Variants in TENM2 observed in about 807,000 individuals in gnomAD.
The protein encoded by TENM2 is teneurin-2.
A neutral mutation model predicts 245.2 loss-of-function variants in TENM2; 52 were observed. The observed-to-expected ratio is 0.21, with a 90% CI of 0.17 to 0.27. The LOEUF (loss-of-function observed/expected upper bound fraction) is 0.27, where lower values mean the gene tolerates loss of function less well. Among genes scored for constraint, TENM2 ranks in the 10% least tolerant of loss-of-function variants. The pLI, the probability that TENM2 is intolerant of heterozygous loss-of-function variation, is 1.00. For missense variants in TENM2, 3,046 were observed against 3,666.8 expected (o/e 0.83, Z 4.37); for synonymous variants, 1,363 against 1,438.9 (o/e 0.95, Z 1.19).
chr5:167,071,882 C>CCG, the TENM2 span, among the ~76,000 whole-genome samples: 1 of 141,148 alleles, frequency 7.1e-6, no homozygotes, highest in Non-Finnish European at 1.6e-5. Flanking sequence ...CAAATCGCCC[C>CCG]CCCCCGCCCC....
At chr5:167,122,926 C>T in the TENM2 span, among the ~76,000 whole-genome samples, 1 of 152,082 alleles carries the variant, frequency 6.6e-6, no homozygotes, top group African/African-American at 2.4e-5. Context: ...TGGAGAGTAA[C>T]ACCTGGAGAA....
At chr5:167,007,612 T>G in the TENM2 span, among the ~76,000 whole-genome samples, 1 of 152,190 alleles carries the variant, frequency 6.6e-6, no homozygotes, top group Non-Finnish European at 1.5e-5. The surrounding 1 kb of genome is among the most constrained non-coding windows in gnomAD (Gnocchi z 4.2). Context: ...AACACATAAA[T>G]AATTAAATAA....
intron 5 of TENM2, among the ~76,000 whole-genome samples, chr5:168,044,225 C>A (rs1010379249): frequency 6.6e-6 from 1 of 152,122 alleles, no homozygotes; most frequent in Non-Finnish European, 1.5e-5. Context: ...ACCATCCTGG[C>A]TAACACGGTG....
the TENM2 span, among the ~76,000 whole-genome samples, chr5:167,129,482 T>C: frequency 6.6e-6 from 1 of 152,146 alleles, no homozygotes; most frequent in Non-Finnish European, 1.5e-5. Flanking sequence ...GGAGTAATCA[T>C]GGAGGAAGGG....
In TENM2 at chr5:167,714,627, A is replaced by G. The variant is rs142423431; in HGVS notation, c.503-161359A>G. Among the ~76,000 whole-genome samples, 948 of 152,366 alleles carry G rather than the reference A, an allele frequency of 6.2e-3. 10 individuals carry two copies. Among genetic ancestry groups the G allele is most frequent in the African/African-American group, 0.022 (899 of 41,586 alleles). On this transcript the variant is annotated intron_variant, in intron 2 of 28. Transcript: ENST00000518659. ...ATGGAAGCCCTTGAACAATAAACAA[A>G]TAATAGGAATTGGCTTTTCTAAGAA...
chr5:167,336,757 C>A (rs1757784209), intron 1 of TENM2, among the ~76,000 whole-genome samples: 1 of 151,100 alleles, frequency 6.6e-6, no homozygotes, highest in African/African-American at 2.4e-5. Flanking sequence ...AAAGGAAATG[C>A]TAATTAGAGC....
In TENM2 at chr5:167,836,486, G is replaced by T. The variant is rs79335112; in HGVS notation, c.503-39500G>T. On this transcript the variant is annotated intron_variant, in intron 2 of 28. Transcript: ENST00000518659. ...CTTTTTAAGGACCCATCCAACTATG[G>T]AATAATATATTTTTGGATTTCTGTA... is the stretch of plus-strand genomic sequence containing the variant. Among the ~76,000 whole-genome samples, 24 of 152,264 alleles carry T rather than the reference G, an allele frequency of 1.6e-4. No homozygotes were observed. In the East Asian group the frequency reaches 4.6e-3, roughly 29 times the overall value.
At chr5:167,806,384 G>A (rs1267931667) in intron 2 of TENM2, among the ~76,000 whole-genome samples, 1 of 151,920 alleles carries the variant, frequency 6.6e-6, no homozygotes, top group Non-Finnish European at 1.5e-5. Context: ...TCTCAACTAA[G>A]GTCACATTTA....
intron 2 of TENM2, among the ~76,000 whole-genome samples, chr5:167,747,471 A>T (rs1398350996): frequency 6.6e-6 from 1 of 152,186 alleles, no homozygotes; most frequent in African/African-American, 2.4e-5. Context: ...TTTCTATTCT[A>T]AGAATCTATT....
chr5:168,158,455 G>A (rs773940104), intron 12 of TENM2, among the ~76,000 whole-genome samples: 19 of 151,856 alleles, frequency 1.3e-4, no homozygotes, highest in Non-Finnish European at 1.9e-4. Context: ...CCAAGCTCTG[G>A]GATCCAACAG....
At chr5:167,185,883 C>A in the TENM2 span, among the ~76,000 whole-genome samples, 1 of 152,248 alleles carries the variant, frequency 6.6e-6, no homozygotes, top group African/African-American at 2.4e-5. Context: ...CAATTATGTT[C>A]TCTCCTAAGG....
At chr5:167,239,567 G>T in the TENM2 span, among the ~76,000 whole-genome samples, 2 of 152,098 alleles carry the variant, frequency 1.3e-5, no homozygotes, top group African/African-American at 2.4e-5. Context: ...ATCCCAGAAT[G>T]AATCACACCA....
intron 13 of TENM2, among the ~76,000 whole-genome samples, chr5:168,183,153 C>A (rs1239806831): frequency 6.6e-6 from 1 of 152,128 alleles, no homozygotes; most frequent in African/African-American, 2.4e-5. Context: ...GACCCTCTGC[C>A]ACCCCTCACC....
intron 1 of TENM2, among the ~76,000 whole-genome samples, chr5:167,316,925 A>T (rs1756397918): frequency 6.6e-6 from 1 of 152,186 alleles, no homozygotes; most frequent in African/African-American, 2.4e-5. Flanking sequence ...CTGTTGCCAA[A>T]AAAAGAGCAC....
intron 3 of TENM2, among the ~76,000 whole-genome samples, chr5:167,903,319 T>C (rs1455220915): frequency 1.2e-4 from 19 of 152,096 alleles, no homozygotes; most frequent in Non-Finnish European, 2.2e-4. Flanking sequence ...GCTTCTCTTC[T>C]AAAGTGAAAT....
At chr5:167,749,307 A>T (rs1761798382) in intron 2 of TENM2, among the ~76,000 whole-genome samples, 1 of 152,188 alleles carries the variant, frequency 6.6e-6, no homozygotes, top group African/African-American at 2.4e-5. Context: ...AAAATAAAAG[A>T]TGTTCATATA....
At chr5:167,228,575 T>C in the TENM2 span, among the ~76,000 whole-genome samples, 1 of 152,102 alleles carries the variant, frequency 6.6e-6, no homozygotes, top group Non-Finnish European at 1.5e-5. Flanking sequence ...ATTTCATGAC[T>C]TTCTTTTTGT....
At chr5:167,543,032 G>A (rs73801275) in intron 2 of TENM2, among the ~76,000 whole-genome samples, 88 of 152,296 alleles carry the variant, frequency 5.8e-4, no homozygotes, top group African/African-American at 2.0e-3. Context: ...CTAGGAAATT[G>A]TTAGAAATGC....
At chr5:167,923,563 T>A (rs1015607573) in intron 3 of TENM2, among the ~76,000 whole-genome samples, 3 of 152,120 alleles carry the variant, frequency 2.0e-5, no homozygotes, top group Non-Finnish European at 4.4e-5. Flanking sequence ...CCCCAGGGGA[T>A]AGGTTGTCAG....
Sources: allele counts gnomAD v4.1 joint callset (sites outside exome capture counted in the v4.1 genomes callset), GRCh38; gene constraint gnomAD v4.1.1; non-coding constraint Gnocchi (gnomAD v3.1); transcripts MANE v1.5; gene names NCBI Gene and HGNC (gene_info 2026-07-23, HGNC 2026-07-21).